Variants in ADCYAP1R1 observed in about 807,000 individuals in gnomAD.
ADCYAP1R1 encodes pituitary adenylate cyclase-activating polypeptide type I receptor.
In ADCYAP1R1, 44 loss-of-function variants were observed where a neutral mutation model predicts 67.6. That is an observed-to-expected ratio of 0.65 (90% CI 0.51 to 0.84). ADCYAP1R1 has a LOEUF of 0.84. ADCYAP1R1 is among the 40% of genes least tolerant of loss of function. The pLI, the probability that ADCYAP1R1 is intolerant of heterozygous loss-of-function variation, is 0.00. For missense variants in ADCYAP1R1, 477 were observed against 587.9 expected (o/e 0.81, Z 1.95); for synonymous variants, 222 against 219.6 (o/e 1.01, Z -0.10).
intron 3 of ADCYAP1R1, among the ~76,000 whole-genome samples, chr7:31,070,469 C>T (rs1794925407): frequency 6.6e-6 from 1 of 152,176 alleles, no homozygotes; most frequent in African/African-American, 2.4e-5. Flanking sequence ...CTGCCCAGGG[C>T]ACCAAATGCC....
intron 3 of ADCYAP1R1, among the ~76,000 whole-genome samples, chr7:31,073,613 C>T (rs866762853): frequency 3.3e-5 from 5 of 152,182 alleles, no homozygotes; most frequent in Admixed American, 6.5e-5. Context: ...AGCTCCAATC[C>T]GCTGAGGCCA....
chr7:31,080,708 AG>A, intron 5 of ADCYAP1R1, 75 bp downstream of exon 5: 2 of 1,501,694 alleles, frequency 1.3e-6, no homozygotes, highest in Non-Finnish European at 1.8e-6. Context: ...AGGAGATCCC[AG>A]GCTCCGGCTG....
chr7:31,072,913 A>C (rs531850593), intron 3 of ADCYAP1R1, among the ~76,000 whole-genome samples: 1 of 152,368 alleles, frequency 6.6e-6, no homozygotes, highest in East Asian at 1.9e-4. Context: ...TTGAGGATGC[A>C]AAGCTGCTGG....
At chr7:31,094,499 T>C (rs1796103182) in intron 13 of ADCYAP1R1, among the ~76,000 whole-genome samples, 1 of 152,138 alleles carries the variant, frequency 6.6e-6, no homozygotes, top group African/African-American at 2.4e-5. Flanking sequence ...CATCTCTCGT[T>C]TGAGCTCTAG....
At chr7:31,065,802 T>C (rs1406339879) in intron 3 of ADCYAP1R1, among the ~76,000 whole-genome samples, 1 of 152,192 alleles carries the variant, frequency 6.6e-6, no homozygotes, top group Non-Finnish European at 1.5e-5. Flanking sequence ...TGCCTAAGGG[T>C]AGGGCTCTCT....
chr7:31,087,256 G>T (rs1795787491), intron 11 of ADCYAP1R1, among the ~76,000 whole-genome samples: 2 of 152,198 alleles, frequency 1.3e-5, no homozygotes, highest in South Asian at 4.1e-4. Context: ...GTACTCAGCT[G>T]AGTGTCTGTT....
chr7:31,106,538 A>G lies in ADCYAP1R1; in HGVS notation c.1261A>G (p.Asn421Asp). ...GCGAAAATGGCGAAGCTGGAAGGTG[A>G]ACCGTTACTTCGCTGTGGACTTCAA... ...IKRKWRSWKV[N>D]RYFAVDFKHR... The change falls in exon 16 of 16, where the codon AAC (asparagine) becomes GAC (aspartate). Residue 421 changes from asparagine (N) to aspartate (D), a missense_variant. By Grantham distance (23) the Asn-to-Asp change is conservative (BLOSUM62 1). Transcript: ENST00000304166. 6.2e-7 allele frequency: 1 copy of G among 1,613,536 alleles called. No individual in the cohort carries two copies. The highest frequency in any genetic ancestry group is 1.1e-5 in the South Asian group (1 of 90,960).
chr7:31,075,186 G>C (rs1425929733), intron 3 of ADCYAP1R1, among the ~76,000 whole-genome samples: 1 of 152,272 alleles, frequency 6.6e-6, no homozygotes. Context: ...GCCTATGGAG[G>C]CCTCTCGGGG....
In ADCYAP1R1 at chr7:31,110,102, T is replaced by C. The variant is rs1450680775; in HGVS notation, c.*3418T>C. 1 of 150,416 alleles carries C rather than the reference T, an allele frequency of 6.6e-6. No individual in the cohort carries two copies. The highest frequency in any genetic ancestry group is 2.0e-4 in the East Asian group (1 of 5,102). The allele number at this position is 150,416 out of a possible 1,614,324, so 9.3% of individuals were successfully genotyped here. On this transcript the variant is annotated 3_prime_UTR_variant, in exon 16 of 16. Coordinates refer to ENST00000304166, the MANE Select transcript of ADCYAP1R1 (RefSeq NM_001118.5). The stretch of plus-strand genomic sequence containing the variant: ...TCTCTCATCTGATCCTCACTCTTTG[T>C]GGAAGGGAAAGCTCAAAGGGACTCT...
intron 7 of ADCYAP1R1, 96 bp from the exon 8 acceptor site, chr7:31,084,641 G>T: frequency 3.0e-6 from 3 of 986,090 alleles, no homozygotes; most frequent in Non-Finnish European, 3.3e-6. Flanking sequence ...CTGGAGGTGG[G>T]CAGGCCCTGG....
intron 1 of ADCYAP1R1, among the ~76,000 whole-genome samples, chr7:31,061,091 G>T (rs573140580): frequency 6.6e-6 from 1 of 152,232 alleles, no homozygotes; most frequent in African/African-American, 2.4e-5. Context: ...AGTCCTAACC[G>T]GGGTAGTGCT....
At chr7:31,070,735 C>T (rs1398991460) in intron 3 of ADCYAP1R1, among the ~76,000 whole-genome samples, 2 of 152,210 alleles carry the variant, frequency 1.3e-5, no homozygotes, top group African/African-American at 4.8e-5. Context: ...GAAGTCTGGT[C>T]ATTCTAAAAC....
At position 31,084,255 on chromosome 7, in the gene ADCYAP1R1, GTGTC is replaced by G. The variant is rs765979814; in HGVS notation, c.438+8_438+11del. ...GAATCTGAGACTGGGGACCAGGTGAGTGTCTGCACCCTGCTCCCCAGAGGTGGTG... is the reference window on the plus strand; with the variant it reads ...GAATCTGAGACTGGGGACCAGGTGAGTGCACCCTGCTCCCCAGAGGTGGTG... On this transcript the variant is annotated splice_donor_region_variant and intron_variant, in intron 7 of 15. Transcript: ENST00000304166. 5 of 1,611,886 alleles carry G rather than the reference GTGTC, an allele frequency of 3.1e-6. No individual in the cohort carries two copies. The highest frequency in any genetic ancestry group is 4.2e-6 in the Non-Finnish European group (5 of 1,178,086).
At position 31,063,270 on chromosome 7, in the gene ADCYAP1R1, T is replaced by G; in HGVS notation, c.6T>G (p.Ala2=). M[A]GVVHVSLAAL... ...GGTGCTGGCCAAGAAGTGTCATGGC[T>G]GGTGTCGTGCACGTTTCCCTGGCTG... The change falls in exon 2 of 16, where the codon GCT becomes GCG. Residue 2 remains alanine, a synonymous_variant. Transcript: ENST00000304166. 6.2e-7 allele frequency: 1 copy of G among 1,614,202 alleles called. No homozygotes were observed. Among genetic ancestry groups the G allele is most frequent in the Non-Finnish European group, 8.5e-7 (1 of 1,180,014 alleles).
intron 13 of ADCYAP1R1, among the ~76,000 whole-genome samples, chr7:31,097,597 G>T (rs541360092): frequency 6.6e-6 from 1 of 152,256 alleles, no homozygotes; most frequent in African/African-American, 2.4e-5. Flanking sequence ...TTTACCAGGT[G>T]CAGGGTTTCC....
chr7:31,078,119 T>G, intron 4 of ADCYAP1R1, 21 bp downstream of exon 4: 1 of 1,588,130 alleles, frequency 6.3e-7, no homozygotes, highest in Non-Finnish European at 8.6e-7. Flanking sequence ...CCCAGTCTCT[T>G]TAGGCCACGC....
Position 31,066,241 on chromosome 7 carries a change from G to A in ADCYAP1R1, c.157+1305G>A, listed in dbSNP as rs572105699. 3.3e-5 allele frequency among the ~76,000 whole-genome samples: 5 copies of A among 152,312 alleles called. No individual in the cohort carries two copies. The East Asian group carries it at 9.7e-4, about 29-fold the overall frequency. Reference sequence around the variant, plus strand: ...GGTGGGTCTGGAACCCAGGTGTCCTGCTCCCAACCCAGGGCCATTGTTCCT... The same window carrying A: ...GGTGGGTCTGGAACCCAGGTGTCCTACTCCCAACCCAGGGCCATTGTTCCT... On this transcript the variant is annotated intron_variant, in intron 3 of 15. Coordinates refer to ENST00000304166, the MANE Select transcript of ADCYAP1R1 (RefSeq NM_001118.5).
intron 13 of ADCYAP1R1, among the ~76,000 whole-genome samples, chr7:31,093,875 C>G (rs1438926131): frequency 6.6e-6 from 1 of 152,046 alleles, no homozygotes; most frequent in Non-Finnish European, 1.5e-5. Flanking sequence ...CCCCAGGGTC[C>G]CCTTCCTCAG....
Position 31,106,632 on chromosome 7 carries a change from G to A in ADCYAP1R1, c.1355G>A (p.Ser452Asn), listed in dbSNP as rs1204013165. The change falls in exon 16 of 16, where the codon AGC becomes AAC. Residue 452 changes from serine to asparagine, a missense_variant. Coordinates refer to ENST00000304166, the MANE Select transcript of ADCYAP1R1 (RefSeq NM_001118.5). ...ACCCAGCTCTCCATCCTGAGCAAGA[G>A]CAGCTCCCAAATCCGCATGTCTGGC... ...GGTQLSILSK[S>N]SSQIRMSGLP... The A allele has an allele frequency of 6.2e-6, 10 of 1,613,582 alleles. No individual in the cohort carries two copies. Among genetic ancestry groups the A allele is most frequent in the Admixed American group, 1.7e-5 (1 of 59,974 alleles).
Sources: allele counts gnomAD v4.1 joint callset (sites outside exome capture counted in the v4.1 genomes callset), GRCh38; gene constraint gnomAD v4.1.1; transcripts MANE v1.5; gene names NCBI Gene and HGNC (gene_info 2026-07-23, HGNC 2026-07-21).